XPO4: variants seen among roughly 807,000 people sequenced by gnomAD.
XPO4 encodes exportin-4.
A neutral mutation model predicts 143.0 loss-of-function variants in XPO4; 39 were observed. That is an observed-to-expected ratio of 0.27 (90% CI 0.21 to 0.36). XPO4 has a LOEUF of 0.36. Among genes scored for constraint, XPO4 ranks in the 10% least tolerant of loss-of-function variants. XPO4 has a pLI of 1.00. For synonymous variants in XPO4, 439 were observed against 474.0 expected (o/e 0.93, Z 0.96); for missense variants, 907 against 1,348.0 (o/e 0.67, Z 5.12).
At position 20,885,612 on chromosome 13, in the gene XPO4, A is replaced by G. The variant is rs149529731; in HGVS notation, c.70-16911T>C. 3.3e-3 allele frequency among the ~76,000 whole-genome samples: 504 copies of G among 152,310 alleles called. 1 individual carries two copies. Among genetic ancestry groups the G allele is most frequent in the African/African-American group, 0.012 (490 of 41,578 alleles). ...TATGCTGTTTATAAGAAATGCATAT[A>G]AAACTCAAGGGCATGGAAAGGTTGA... On this transcript the variant is annotated intron_variant, in intron 1 of 22. Transcript: ENST00000255305.
chr13:20,831,636 T>G (rs1020037408), intron 6 of XPO4, among the ~76,000 whole-genome samples: 1 of 152,174 alleles, frequency 6.6e-6, no homozygotes, highest in East Asian at 1.9e-4. Context: ...ATAATTCATT[T>G]GTAACCAAAC....
chr13:20,891,562 T>A (rs1018212498), intron 1 of XPO4, among the ~76,000 whole-genome samples: 8 of 152,186 alleles, frequency 5.3e-5, no homozygotes, highest in Admixed American at 1.3e-4. Context: ...TCTATTTTTT[T>A]AAAAAAGATG....
rs2059554160 is a variant in XPO4, at chr13:20,809,774, T to C, written c.1350+17A>G. The C allele has an allele frequency of 6.3e-7, 1 of 1,587,170 alleles. No homozygotes were observed. The highest frequency in any genetic ancestry group is 1.4e-5 in the African/African-American group (1 of 73,854). On this transcript the variant is annotated intron_variant, in intron 10 of 22. Transcript: ENST00000255305. ...TGATGAAATAGACTGTTAATTACCA[T>C]CTTGCTTAAAACTCACCAAATTTCT...
intron 1 of XPO4, among the ~76,000 whole-genome samples, chr13:20,883,182 T>C (rs760483293): frequency 2.6e-5 from 4 of 152,260 alleles, no homozygotes; most frequent in Non-Finnish European, 5.9e-5. Context: ...CTGTCAATAG[T>C]TATCTTCGTT....
intron 6 of XPO4, among the ~76,000 whole-genome samples, chr13:20,834,562 G>T (rs1401396406): frequency 6.7e-6 from 1 of 149,994 alleles, no homozygotes; most frequent in East Asian, 1.9e-4. Context: ...AACAGGGCGA[G>T]ACCCAGTCTC....
In XPO4 at chr13:20,796,231, G is replaced by T. The variant is rs750575160; in HGVS notation, c.2642C>A (p.Ala881Asp). The T allele has an allele frequency of 1.9e-6, 3 of 1,608,760 alleles. No homozygotes were observed. Among genetic ancestry groups the T allele is most frequent in the Non-Finnish European group, 2.5e-6 (3 of 1,178,324 alleles). ...ATACACTTGCAACAAAGTAAGGCAG[G>T]CTTCATATAAGTTCATAGCTTTGGA... ...GESKAMNLYE[A>D]CLTLLQVYSK... Residue 881 changes from alanine (A) to aspartate (D), a missense_variant, in exon 18 of 23, where the codon GCC becomes GAC. Physicochemically the swap from Ala to Asp is moderately radical, Grantham distance 126 (BLOSUM62 -2). Coordinates refer to ENST00000255305, the MANE Select transcript of XPO4 (RefSeq NM_022459.5).
intron 15 of XPO4, among the ~76,000 whole-genome samples, 154 bp downstream of exon 15, chr13:20,800,002 T>C (rs2059411263): frequency 1.3e-5 from 2 of 152,194 alleles, no homozygotes; most frequent in African/African-American, 4.8e-5. Context: ...TACTGTGACA[T>C]AGTTTTTAAA....
At chr13:20,837,163 T>A (rs2059925698) in intron 6 of XPO4, among the ~76,000 whole-genome samples, 1 of 152,196 alleles carries the variant, frequency 6.6e-6, no homozygotes, top group African/African-American at 2.4e-5. Context: ...AGTTTTTGTG[T>A]GGATGACTAT....
chr13:20,850,429 G>GC (rs1291607429), intron 4 of XPO4: 1 of 224,120 alleles, frequency 4.5e-6, no homozygotes, highest in Non-Finnish European at 7.5e-6. Flanking sequence ...ATACTACACT[G>GC]CCCCTAAACC....
At chr13:20,841,492 TA>T (rs2059973056) in intron 6 of XPO4, among the ~76,000 whole-genome samples, 1 of 152,220 alleles carries the variant, frequency 6.6e-6, no homozygotes, top group South Asian at 2.1e-4. Context: ...ATATTAAAGA[TA>T]AAAAGTTGGT....
intron 4 of XPO4, 70 bp downstream of exon 4, chr13:20,855,557 T>C: frequency 7.5e-7 from 1 of 1,334,954 alleles, no homozygotes; most frequent in South Asian, 1.9e-5. Flanking sequence ...CCATTACTCT[T>C]GCTATAATGC....
Position 20,809,086 on chromosome 13 carries a change from G to C in XPO4, c.1490C>G (p.Thr497Arg). The C allele has an allele frequency of 6.2e-7, 1 of 1,613,518 alleles. No homozygotes were observed. The highest frequency in any genetic ancestry group is 8.5e-7 in the Non-Finnish European group (1 of 1,179,680). The change falls in exon 11 of 23, where the codon ACA becomes AGA. Residue 497 changes from threonine to arginine, a missense_variant. Transcript: ENST00000255305. ...IAAEHCIPLLTSLLEERVTRL... is the reference protein window; with the variant it reads ...IAAEHCIPLLRSLLEERVTRL... ...GGTTTCTTTGGACTGTGTGTACCTTGTCAGAAGAGGTATACAGTGTTCTGC... is the reference window on the plus strand; with the variant it reads ...GGTTTCTTTGGACTGTGTGTACCTTCTCAGAAGAGGTATACAGTGTTCTGC...
chr13:20,822,397 T>G (rs1392526109), intron 7 of XPO4, 108 bp from the exon 8 acceptor site: 1 of 956,102 alleles, frequency 1.0e-6, no homozygotes, highest in African/African-American at 1.7e-5. Context: ...GCTGGTTATT[T>G]CTAGAAAATT....
At chr13:20,855,858 A>G in intron 3 of XPO4, 93 bp from the exon 4 acceptor site, 2 of 1,299,288 alleles carry the variant, frequency 1.5e-6, no homozygotes, top group Non-Finnish European at 1.0e-6. Flanking sequence ...TACTAATAAC[A>G]TTGCTTACAT....
chr13:20,835,688 T>C (rs1189507012), intron 6 of XPO4, among the ~76,000 whole-genome samples: 1 of 152,242 alleles, frequency 6.6e-6, no homozygotes, highest in Non-Finnish European at 1.5e-5. Flanking sequence ...AATATCTATA[T>C]AGTTCAGTTG....
intron 22 of XPO4, among the ~76,000 whole-genome samples, chr13:20,785,898 AAG>A (rs1491075016): frequency 2.1e-5 from 1 of 47,928 alleles, no homozygotes; most frequent in African/African-American, 6.9e-5. Context: ...GAAAGAAAGA[AAG>A]AGGAGGGAGG....
chr13:20,878,975 G>T, intron 1 of XPO4: 3 of 475,182 alleles, frequency 6.3e-6, no homozygotes, highest in Non-Finnish European at 8.2e-6. Context: ...AGACAAAAAT[G>T]GTGGACAAAA....
At chr13:20,845,821 T>C (rs921943658) in intron 4 of XPO4, among the ~76,000 whole-genome samples, 31 of 152,240 alleles carry the variant, frequency 2.0e-4, no homozygotes, top group African/African-American at 4.6e-4. Flanking sequence ...ATTAATGAGA[T>C]TCAGAGAAAA....
At position 20,777,385 on chromosome 13, in the gene XPO4, C is replaced by T. The variant is rs1243675024; in HGVS notation, c.*6337G>A. 1.3e-5 allele frequency: 2 copies of T among 152,142 alleles called. No individual in the cohort carries two copies. The highest frequency in any genetic ancestry group is 2.9e-5 in the Non-Finnish European group (2 of 68,028). The allele number at this position is 152,142 out of a possible 1,614,324, so 9.4% of individuals were successfully genotyped here. A position where few individuals can be genotyped will look rare whatever the true frequency, so the allele number is the denominator to read the frequency against. On this transcript the variant is annotated 3_prime_UTR_variant, in exon 23 of 23. Transcript: ENST00000255305. ...ATCTACTATTATATTTCATCCATCA[C>T]TTTTAAATTTTTTCTTTGGGAGGAA...
Sources: allele counts gnomAD v4.1 joint callset (sites outside exome capture counted in the v4.1 genomes callset), GRCh38; gene constraint gnomAD v4.1.1; transcripts MANE v1.5; gene names NCBI Gene and HGNC (gene_info 2026-07-23, HGNC 2026-07-21).